Variants in ANK3 observed in about 807,000 individuals in gnomAD.
The protein encoded by ANK3 is ankyrin 3.
Under a neutral mutation model 370.9 loss-of-function variants are expected in ANK3, and 57 were observed. The observed-to-expected ratio is 0.15, with a 90% CI of 0.12 to 0.19. The LOEUF (loss-of-function observed/expected upper bound fraction) is 0.19. ANK3 is among the 10% of genes least tolerant of loss of function. The pLI is 1.00. For missense variants in ANK3, 4,439 were observed against 5,302.1 expected, an observed-to-expected ratio of 0.84 and a Z score of 5.06; for synonymous variants, 1,929 against 1,946.3, an observed-to-expected ratio of 0.99 and a Z score of 0.23.
intron 2 of ANK3, among the ~76,000 whole-genome samples, chr10:60,536,961 C>T (rs1319175209): frequency 6.6e-6 from 1 of 152,020 alleles, no homozygotes; most frequent in African/African-American, 2.4e-5. Context: ...AATCAAAATT[C>T]TTCAGTTGGC....
At chr10:60,716,631 A>G (rs181598689) in intron 1 of ANK3, among the ~76,000 whole-genome samples, 193 of 152,264 alleles carry the variant, frequency 1.3e-3, no homozygotes, top group African/African-American at 4.3e-3. Context: ...CTCCCACGTC[A>G]GCCTCCCAAG....
intron 23 of ANK3, 125 bp downstream of exon 23, chr10:60,166,465 CA>C: frequency 2.7e-6 from 2 of 729,378 alleles, no homozygotes; most frequent in South Asian, 3.9e-5. Flanking sequence ...AAATAATACA[CA>C]AATTAATAAT....
At position 60,514,767 on chromosome 10, in the gene ANK3, A is replaced by T. The variant is rs10821779; in HGVS notation, c.96+100419T>A. 6.6e-5 allele frequency among the ~76,000 whole-genome samples: 10 copies of T among 152,094 alleles called. No homozygotes were observed. In the South Asian group the frequency reaches 2.1e-3, roughly 32 times the overall value. ...TTCTCCTAATGAAGAAAATAGAACC[A>T]CTAAAGGATAAAAAACTAGTGAATA... On this transcript the variant is annotated intron_variant, in intron 2 of 43. Transcript: ENST00000373827.
chr10:60,300,647 T>C (rs1037182093), intron 1 of ANK3: 2 of 724,202 alleles, frequency 2.8e-6, no homozygotes, highest in Non-Finnish European at 1.7e-6. Context: ...ATACCGAGAA[T>C]AGCAGGGCAA....
At chr10:60,493,079 C>CAAA (rs1268736795) in intron 2 of ANK3, among the ~76,000 whole-genome samples, 114 of 121,530 alleles carry the variant, frequency 9.4e-4, no homozygotes, top group African/African-American at 3.3e-3. Context: ...GACTCCTTCT[C>CAAA]AAAAAAAAAA....
At chr10:60,459,814 C>T (rs2064839092) in intron 2 of ANK3, among the ~76,000 whole-genome samples, 1 of 152,150 alleles carries the variant, frequency 6.6e-6, no homozygotes, top group Non-Finnish European at 1.5e-5. Context: ...CACACACTCT[C>T]CTAGACATTT....
At chr10:60,043,529 T>C (rs897266257) in intron 42 of ANK3, 3 of 985,272 alleles carry the variant, frequency 3.0e-6, no homozygotes, top group Non-Finnish European at 3.6e-6. Flanking sequence ...AACTGGCACA[T>C]TGGAAATGGG....
intron 2 of ANK3, among the ~76,000 whole-genome samples, chr10:60,596,528 G>T (rs1390873298): frequency 2.0e-5 from 3 of 152,090 alleles, no homozygotes; most frequent in Admixed American, 1.3e-4. Flanking sequence ...TTTCCAGATT[G>T]CCTATCCACT....
chr10:60,663,404 A>G (rs2078959276), intron 1 of ANK3, among the ~76,000 whole-genome samples: 1 of 152,168 alleles, frequency 6.6e-6, no homozygotes, highest in Non-Finnish European at 1.5e-5. Context: ...GACCAGTGTT[A>G]CAAGGCTCAG....
In ANK3 at chr10:60,617,081, AT is replaced by A. The variant is rs2078277525; in HGVS notation, c.58-1858del. On this transcript the variant is annotated intron_variant, in intron 1 of 43. Coordinates refer to the ANK3 transcript ENST00000373827. ...TTAATCATTTGTGTATCATAATTATATAAATATTTTCATTTGCTTTCCCAGT... is the reference window on the plus strand; with the variant it reads ...TTAATCATTTGTGTATCATAATTATAAAATATTTTCATTTGCTTTCCCAGT... 8.5e-5 allele frequency among the ~76,000 whole-genome samples: 13 copies of A among 152,284 alleles called. No individual in the cohort carries two copies. The South Asian group carries it at 2.7e-3, about 32-fold the overall frequency.
intron 1 of ANK3, among the ~76,000 whole-genome samples, chr10:60,371,786 GTAT>G (rs2132787490): frequency 6.6e-6 from 1 of 152,134 alleles, no homozygotes; most frequent in East Asian, 1.9e-4. Context: ...TTCCTTTCTG[GTAT>G]CCAAACTGAT....
intron 17 of ANK3, among the ~76,000 whole-genome samples, chr10:60,184,820 T>C (rs1240270946): frequency 2.6e-5 from 4 of 152,198 alleles, no homozygotes; most frequent in Non-Finnish European, 5.9e-5. Flanking sequence ...TCAAACCTAC[T>C]GGAAATATTC....
chr10:60,611,870 C>T (rs899701504), intron 2 of ANK3, among the ~76,000 whole-genome samples: 45 of 150,528 alleles, frequency 3.0e-4, no homozygotes, highest in African/African-American at 1.0e-3. Flanking sequence ...TCTATAGAGA[C>T]ACATTATCAA....
chr10:60,083,752 G>T, intron 32 of ANK3, 135 bp from the exon 33 acceptor site: 1 of 698,370 alleles, frequency 1.4e-6, no homozygotes, highest in Non-Finnish European at 2.3e-6. Flanking sequence ...CTTCTGTGGT[G>T]CTATTTGCAA....
chr10:60,617,347 A>G (rs2078280235), intron 1 of ANK3, among the ~76,000 whole-genome samples: 1 of 152,046 alleles, frequency 6.6e-6, no homozygotes, highest in Admixed American at 6.6e-5. Context: ...CATAGGTATA[A>G]CGTGAGATGA....
chr10:60,610,225 C>T (rs2078182514), intron 2 of ANK3, among the ~76,000 whole-genome samples: 1 of 152,010 alleles, frequency 6.6e-6, no homozygotes, highest in Non-Finnish European at 1.5e-5. Context: ...CAAGGAGGGC[C>T]CCTTTTGTAG....
At chr10:60,147,594 G>C (rs1258116266) in intron 23 of ANK3, among the ~76,000 whole-genome samples, 1 of 152,178 alleles carries the variant, frequency 6.6e-6, no homozygotes, top group Non-Finnish European at 1.5e-5. Context: ...GATCACATGG[G>C]TGGATTCTCA....
At chr10:60,628,464 T>C (rs2078439419) in intron 1 of ANK3, among the ~76,000 whole-genome samples, 1 of 152,178 alleles carries the variant, frequency 6.6e-6, no homozygotes, top group African/African-American at 2.4e-5. Context: ...GAGCAATTCA[T>C]GTGTTCTCTG....
At chr10:60,044,371 T>C (rs1012715148) in intron 42 of ANK3, 1 of 968,898 alleles carries the variant, frequency 1.0e-6, no homozygotes, top group African/African-American at 1.8e-5. Flanking sequence ...GCATAAAGAT[T>C]AGCAACATAC....
Sources: allele counts gnomAD v4.1 joint callset (sites outside exome capture counted in the v4.1 genomes callset), GRCh38; gene constraint gnomAD v4.1.1; transcripts MANE v1.5; gene names NCBI Gene and HGNC (gene_info 2026-07-23, HGNC 2026-07-21).